LARGE1: variants seen among roughly 807,000 people sequenced by gnomAD.
LARGE1 encodes xylosyl- and glucuronyltransferase LARGE1.
LARGE1 carries 43 observed loss-of-function variants against 87.6 expected under a neutral mutation model. The ratio of observed to expected loss-of-function variants is 0.49; its 90% CI spans 0.38 to 0.63. The LOEUF (loss-of-function observed/expected upper bound fraction) is 0.63, where lower values mean the gene tolerates loss of function less well. Ranked by LOEUF, LARGE1 falls within the 30% of genes least tolerant of loss-of-function variation. LARGE1 has a pLI of 0.00. For synonymous variants in LARGE1, 434 were observed against 394.6 expected (o/e 1.10, Z -1.18); for missense variants, 802 against 1,000.2 (o/e 0.80, Z 2.67).
intron 6 of LARGE1, among the ~76,000 whole-genome samples, chr22:33,472,900 T>A (rs954373509): frequency 6.6e-6 from 1 of 152,244 alleles, no homozygotes; most frequent in Admixed American, 6.5e-5. Flanking sequence ...ACGATGCACC[T>A]GTATCTTTCT....
intron 9 of LARGE1, among the ~76,000 whole-genome samples, chr22:33,363,680 C>G (rs1033128949): frequency 4.0e-5 from 6 of 149,746 alleles, no homozygotes; most frequent in African/African-American, 9.8e-5. Flanking sequence ...TAATTAGGCA[C>G]AGTGAAAGAT....
At chr22:33,358,991 C>T (rs1371124384) in intron 9 of LARGE1, among the ~76,000 whole-genome samples, 2 of 114,636 alleles carry the variant, frequency 1.7e-5, no homozygotes, top group Non-Finnish European at 3.9e-5. Flanking sequence ...GAGTGAGACT[C>T]CATCTTAAAA....
intron 2 of LARGE1, among the ~76,000 whole-genome samples, chr22:33,670,810 AT>A (rs2081385306): frequency 6.6e-6 from 1 of 152,202 alleles, no homozygotes; most frequent in Non-Finnish European, 1.5e-5. Flanking sequence ...AAGCAAATAA[AT>A]GTGGATAAGA....
At chr22:33,734,970 G>A (rs572664435) in intron 2 of LARGE1, among the ~76,000 whole-genome samples, 1 of 152,334 alleles carries the variant, frequency 6.6e-6, no homozygotes, top group South Asian at 2.1e-4. Flanking sequence ...CTTGGAAGGT[G>A]TAGGAGATCA....
At chr22:33,371,731 T>C (rs1363685087) in intron 9 of LARGE1, among the ~76,000 whole-genome samples, 1 of 152,156 alleles carries the variant, frequency 6.6e-6, no homozygotes, top group African/African-American at 2.4e-5. Context: ...ACGCCTATAA[T>C]CCCAGCACTT....
At chr22:33,367,795 T>C (rs1214051496) in intron 9 of LARGE1, among the ~76,000 whole-genome samples, 1 of 152,200 alleles carries the variant, frequency 6.6e-6, no homozygotes, top group African/African-American at 2.4e-5. Context: ...TTTCAACTTT[T>C]CTTCTTTTTA....
intron 10 of LARGE1, 32 bp downstream of exon 10, chr22:33,337,614 C>G (rs1938619112): frequency 1.9e-6 from 3 of 1,613,102 alleles, no homozygotes; most frequent in Non-Finnish European, 2.5e-6. Context: ...GAGAAGCCGC[C>G]CCTTCCCTGC....
At chr22:33,493,361 A>G (rs560114954) in intron 6 of LARGE1, among the ~76,000 whole-genome samples, 1 of 151,994 alleles carries the variant, frequency 6.6e-6, no homozygotes, top group African/African-American at 2.4e-5. Flanking sequence ...GGGTTTCACC[A>G]TGTTGGCCAG....
chr22:33,831,893 C>A (rs762527668), intron 1 of LARGE1, among the ~76,000 whole-genome samples: 132 of 152,312 alleles, frequency 8.7e-4, no homozygotes, highest in Non-Finnish European at 1.6e-3. Context: ...GGCAACCACT[C>A]CACCTTTCCA....
At chr22:33,202,202 G>A (rs2146212934) in intron 11 of LARGE1, among the ~76,000 whole-genome samples, 1 of 152,182 alleles carries the variant, frequency 6.6e-6, no homozygotes, top group South Asian at 2.1e-4. Context: ...GAAGCACTGG[G>A]ACACTAGAAC....
At chr22:33,264,963 T>A (rs191604906) in intron 11 of LARGE1, among the ~76,000 whole-genome samples, 328 of 139,996 alleles carry the variant, frequency 2.3e-3, no homozygotes, top group Non-Finnish European at 4.1e-3. Flanking sequence ...TGGCACGATC[T>A]CAGCTGGGCT....
At chr22:33,723,306 C>T (rs2083164976) in intron 2 of LARGE1, among the ~76,000 whole-genome samples, 2 of 152,240 alleles carry the variant, frequency 1.3e-5, no homozygotes, top group African/African-American at 2.4e-5. Context: ...TTTAGGTTCA[C>T]GGTGTAAAGA....
chr22:33,297,746 G>C (rs529795977), intron 12 of LARGE1, among the ~76,000 whole-genome samples: 1 of 151,882 alleles, frequency 6.6e-6, no homozygotes, highest in Non-Finnish European at 1.5e-5. Context: ...TTGGGAGGCC[G>C]AGGTGGGCGG....
intron 1 of LARGE1, among the ~76,000 whole-genome samples, chr22:33,908,855 C>A (rs1370828920): frequency 6.6e-6 from 1 of 152,188 alleles, no homozygotes; most frequent in Non-Finnish European, 1.5e-5. Context: ...CCAGCCGTCA[C>A]AGGAAGCAAA....
the LARGE1 span, among the ~76,000 whole-genome samples, chr22:33,100,574 A>T: frequency 4.6e-5 from 7 of 152,236 alleles, no homozygotes; most frequent in African/African-American, 1.4e-4. Context: ...ACTGGTTTAG[A>T]TAATATTTTT....
chr22:33,263,015 C>T (rs538700220), intron 11 of LARGE1, among the ~76,000 whole-genome samples: 1 of 152,126 alleles, frequency 6.6e-6, no homozygotes, highest in South Asian at 2.1e-4. Flanking sequence ...GCCTCAGCCT[C>T]CCAAGCAGCT....
At chr22:33,782,364 T>C (rs574769734) in intron 1 of LARGE1, among the ~76,000 whole-genome samples, 19 of 152,226 alleles carry the variant, frequency 1.2e-4, no homozygotes, top group African/African-American at 4.6e-4. Flanking sequence ...ATAATGCATA[T>C]GGGGTTTCTT....
chr22:33,864,690 A>C (rs2064033632), intron 1 of LARGE1, among the ~76,000 whole-genome samples: 1 of 152,216 alleles, frequency 6.6e-6, no homozygotes, highest in Non-Finnish European at 1.5e-5. Flanking sequence ...TCAGGGCTGC[A>C]TCACTGCCTT....
At chr22:33,693,296 A>G (rs2082147196) in intron 2 of LARGE1, among the ~76,000 whole-genome samples, 1 of 152,126 alleles carries the variant, frequency 6.6e-6, no homozygotes, top group Non-Finnish European at 1.5e-5. Context: ...GCTGGGTACA[A>G]TGTACACTAC....
Sources: allele counts gnomAD v4.1 joint callset (sites outside exome capture counted in the v4.1 genomes callset), GRCh38; gene constraint gnomAD v4.1.1; transcripts MANE v1.5; gene names NCBI Gene and HGNC (gene_info 2026-07-23, HGNC 2026-07-21).